DKK2: variants seen among roughly 807,000 people sequenced by gnomAD.
DKK2 encodes the protein dickkopf Wnt signaling pathway inhibitor 2, also known as dickkopf-related protein 2.
DKK2 carries 11 observed loss-of-function variants against 28.1 expected under a neutral mutation model. The observed-to-expected ratio is 0.39, with a 90% CI of 0.25 to 0.65. The LOEUF (loss-of-function observed/expected upper bound fraction) is 0.65, where lower values mean the gene tolerates loss of function less well. Ranked by LOEUF, DKK2 falls within the 30% of genes least tolerant of loss-of-function variation. The probability of loss-of-function intolerance (pLI) is 0.47; values close to 1 mark genes in which losing one functional copy is unlikely to be tolerated. For missense variants in DKK2, 326 were observed against 335.5 expected (o/e 0.97, Z 0.22); for synonymous variants, 135 against 126.5 (o/e 1.07, Z -0.45).
chr4:106,947,183 A>G (rs763451149), intron 1 of DKK2, among the ~76,000 whole-genome samples: 4 of 152,134 alleles, frequency 2.6e-5, no homozygotes, highest in Non-Finnish European at 5.9e-5. Context: ...ATATGATCAG[A>G]GTAAAAATTT....
chr4:106,923,842 A>T lies in DKK2; in HGVS notation c.*112T>A. The T allele has an allele frequency of 7.1e-7, 1 of 1,402,162 alleles. No individual in the cohort carries two copies. Among genetic ancestry groups the T allele is most frequent in the Non-Finnish European group, 9.7e-7 (1 of 1,027,082 alleles). 86.9% of individuals were successfully genotyped at this position (1,402,162 alleles called of 1,614,324 possible). On this transcript the variant is annotated 3_prime_UTR_variant, in exon 4 of 4. Transcript: ENST00000285311. ...TTTTGTGATCATCTATATTCTTATC[A>T]CGTTTCTTATTTTAGCCATTCTTCT...
intron 1 of DKK2, among the ~76,000 whole-genome samples, chr4:107,034,154 C>G (rs990314083): frequency 2.0e-5 from 3 of 152,060 alleles, no homozygotes; most frequent in Non-Finnish European, 2.9e-5. Context: ...GTCTCTCTGT[C>G]CATCCCAGAA....
chr4:107,010,601 C>G (rs999211826), intron 1 of DKK2, among the ~76,000 whole-genome samples: 3 of 151,046 alleles, frequency 2.0e-5, no homozygotes, highest in Non-Finnish European at 4.4e-5. Context: ...AACTGGAACA[C>G]CAAACTAAAA....
intron 2 of DKK2, 95 bp from the exon 3 acceptor site, chr4:106,924,795 A>G (rs1029996707): frequency 4.0e-6 from 5 of 1,246,344 alleles, no homozygotes; most frequent in Non-Finnish European, 4.5e-6. Flanking sequence ...GAAGCCATTT[A>G]TCTATCTGTG....
intron 1 of DKK2, among the ~76,000 whole-genome samples, chr4:107,031,901 G>A (rs137951444): frequency 6.6e-6 from 1 of 151,846 alleles, no homozygotes; most frequent in Non-Finnish European, 1.5e-5. Context: ...TTTAGAGATA[G>A]TATCGAGAAA....
chr4:106,950,924 T>C (rs1222488643), intron 1 of DKK2, among the ~76,000 whole-genome samples: 1 of 152,144 alleles, frequency 6.6e-6, no homozygotes, highest in Non-Finnish European at 1.5e-5. Flanking sequence ...CTTCCTCCCA[T>C]ATATTACCAG....
chr4:106,939,640 C>T (rs1464297702), intron 1 of DKK2, among the ~76,000 whole-genome samples: 12 of 152,012 alleles, frequency 7.9e-5, no homozygotes, highest in Middle Eastern at 3.2e-3. Flanking sequence ...AAAAAGAGCC[C>T]GCATCGCCAA....
At chr4:106,966,454 C>A (rs1023967881) in intron 1 of DKK2, among the ~76,000 whole-genome samples, 4 of 152,106 alleles carry the variant, frequency 2.6e-5, no homozygotes, top group Admixed American at 2.0e-4. Flanking sequence ...AATTTTGAAC[C>A]ATTCCAATTT....
At chr4:107,002,020 A>G (rs1384447921) in intron 1 of DKK2, among the ~76,000 whole-genome samples, 3 of 152,164 alleles carry the variant, frequency 2.0e-5, no homozygotes, top group Non-Finnish European at 4.4e-5. Flanking sequence ...CATCCACCCA[A>G]TCAAAGTTAA....
intron 1 of DKK2, among the ~76,000 whole-genome samples, chr4:106,965,002 TA>T (rs1241234387): frequency 5.4e-5 from 8 of 146,984 alleles, no homozygotes; most frequent in African/African-American, 1.1e-4. Context: ...GATAGATAGA[TA>T]GATTGATTGA....
intron 1 of DKK2, among the ~76,000 whole-genome samples, chr4:107,034,843 AT>A (rs1267045818): frequency 6.6e-6 from 1 of 152,152 alleles, no homozygotes; most frequent in African/African-American, 2.4e-5. Flanking sequence ...CTAGACTGAA[AT>A]CCCTCTCTGC....
At chr4:106,963,689 A>T (rs1336911625) in intron 1 of DKK2, among the ~76,000 whole-genome samples, 1 of 152,176 alleles carries the variant, frequency 6.6e-6, no homozygotes, top group Non-Finnish European at 1.5e-5. Flanking sequence ...TATATATCCC[A>T]GCAGAAAGGA....
At chr4:107,035,096 C>T (rs1723941936) in intron 1 of DKK2, among the ~76,000 whole-genome samples, 1 of 152,146 alleles carries the variant, frequency 6.6e-6, no homozygotes, top group African/African-American at 2.4e-5. Context: ...ACCACTTTCT[C>T]CACAGGAAAG....
At chr4:107,004,028 C>G (rs1285826449) in intron 1 of DKK2, among the ~76,000 whole-genome samples, 1 of 152,060 alleles carries the variant, frequency 6.6e-6, no homozygotes, top group African/African-American at 2.4e-5. Context: ...TCCAACATCA[C>G]TCATATTCAT....
At chr4:107,034,289 C>T (rs761436850) in intron 1 of DKK2, among the ~76,000 whole-genome samples, 2 of 151,954 alleles carry the variant, frequency 1.3e-5, no homozygotes, top group South Asian at 2.1e-4. Flanking sequence ...ATCTCTGGGG[C>T]GTGGGCCGCT....
At chr4:107,021,813 T>C (rs1723696956) in intron 1 of DKK2, among the ~76,000 whole-genome samples, 1 of 151,708 alleles carries the variant, frequency 6.6e-6, no homozygotes, top group African/African-American at 2.4e-5. Flanking sequence ...AGACATCAAT[T>C]CTTTACAATG....
At chr4:106,937,489 G>T (rs1724613631) in intron 1 of DKK2, among the ~76,000 whole-genome samples, 1 of 139,548 alleles carries the variant, frequency 7.2e-6, no homozygotes. Flanking sequence ...GACCTACAAA[G>T]AGACTTAGAC....
At chr4:106,977,838 G>A (rs1348740041) in intron 1 of DKK2, among the ~76,000 whole-genome samples, 1 of 152,136 alleles carries the variant, frequency 6.6e-6, no homozygotes, top group Non-Finnish European at 1.5e-5. Context: ...GGAATTTTCT[G>A]CCTTTTTGCG....
intron 1 of DKK2, among the ~76,000 whole-genome samples, chr4:107,032,048 T>G (rs527617481): frequency 4.6e-5 from 7 of 151,980 alleles, no homozygotes; most frequent in Non-Finnish European, 1.0e-4. Context: ...TTATATATTA[T>G]GTAAATATAC....
Sources: allele counts gnomAD v4.1 joint callset (sites outside exome capture counted in the v4.1 genomes callset), GRCh38; gene constraint gnomAD v4.1.1; transcripts MANE v1.5; gene names NCBI Gene and HGNC (gene_info 2026-07-23, HGNC 2026-07-21).